Variants in GALNTL6 observed in about 807,000 individuals in gnomAD.
The protein encoded by GALNTL6 is polypeptide N-acetylgalactosaminyltransferase-like 6.
In GALNTL6, 46 loss-of-function variants were observed where a neutral mutation model predicts 73.7. That is an observed-to-expected ratio of 0.62 (90% CI 0.49 to 0.80). GALNTL6 has a LOEUF of 0.80. Ranked by LOEUF, GALNTL6 falls within the 30% of genes least tolerant of loss-of-function variation. GALNTL6 has a pLI of 0.00. For synonymous variants in GALNTL6, 259 were observed against 263.7 expected (o/e 0.98, Z 0.17); for missense variants, 604 against 755.0 (o/e 0.80, Z 2.34).
At chr4:171,842,686 GAACT>G (rs769742105) in intron 2 of GALNTL6, among the ~76,000 whole-genome samples, 20 of 152,110 alleles carry the variant, frequency 1.3e-4, no homozygotes, top group Non-Finnish European at 1.9e-4. Context: ...GATCCCCAGT[GAACT>G]AACTGAGTGA....
chr4:172,893,001 C>A (rs1407719905), intron 8 of GALNTL6, among the ~76,000 whole-genome samples: 1 of 152,122 alleles, frequency 6.6e-6, no homozygotes, highest in African/African-American at 2.4e-5. Flanking sequence ...CAGAGGATGC[C>A]CAGGCAGGAC....
intron 7 of GALNTL6, among the ~76,000 whole-genome samples, chr4:172,851,831 AC>A (rs1297494380): frequency 6.6e-6 from 1 of 152,194 alleles, no homozygotes; most frequent in African/African-American, 2.4e-5. Context: ...GGTCACAGCA[AC>A]ATGAGTTCTA....
chr4:172,515,911 A>C (rs1734591086), intron 5 of GALNTL6, among the ~76,000 whole-genome samples: 1 of 151,966 alleles, frequency 6.6e-6, no homozygotes, highest in African/African-American at 2.4e-5. Flanking sequence ...CTCTGCTCGA[A>C]CCCTTCACCA....
intron 5 of GALNTL6, among the ~76,000 whole-genome samples, chr4:172,578,044 G>T (rs191940299): frequency 2.8e-4 from 42 of 152,280 alleles, no homozygotes; most frequent in Admixed American, 2.4e-3. Flanking sequence ...ACCCTCACAT[G>T]TAATATCCCT....
In GALNTL6 at chr4:172,980,767, T is replaced by C. The variant is rs1473680293; in HGVS notation, c.1372-28411T>C. 4.6e-5 allele frequency among the ~76,000 whole-genome samples: 7 copies of C among 152,190 alleles called. No homozygotes were observed. The East Asian group carries it at 7.7e-4, about 17-fold the overall frequency. ...AGCCGTATCTTCAAATACACTTACA[T>C]TGACGGTTAGGGCTTCAACATATAA... On this transcript the variant is annotated intron_variant, in intron 10 of 12. Coordinates refer to ENST00000506823, the MANE Select transcript of GALNTL6 (RefSeq NM_001034845.3).
chr4:172,440,735 T>A (rs1376682522), intron 5 of GALNTL6, among the ~76,000 whole-genome samples: 1 of 152,110 alleles, frequency 6.6e-6, no homozygotes, highest in Non-Finnish European at 1.5e-5. Context: ...ATATGAGAAA[T>A]CTCTGTACCT....
chr4:172,335,594 G>T (rs1379191617), intron 4 of GALNTL6, among the ~76,000 whole-genome samples: 1 of 152,080 alleles, frequency 6.6e-6, no homozygotes, highest in Non-Finnish European at 1.5e-5. Flanking sequence ...TTGGTTGACA[G>T]GTTTTTTATT....
At chr4:171,988,174 C>T (rs1364704644) in intron 2 of GALNTL6, among the ~76,000 whole-genome samples, 1 of 152,152 alleles carries the variant, frequency 6.6e-6, no homozygotes, top group Non-Finnish European at 1.5e-5. Context: ...GACAGAAAGG[C>T]TACAGGGTGC....
intron 5 of GALNTL6, among the ~76,000 whole-genome samples, chr4:172,384,377 T>C (rs2111289336): frequency 6.6e-6 from 1 of 152,246 alleles, no homozygotes; most frequent in South Asian, 2.1e-4. Flanking sequence ...CTAGGTTATC[T>C]AATTTGTGGG....
intron 5 of GALNTL6, among the ~76,000 whole-genome samples, chr4:172,375,440 C>A (rs2111267684): frequency 6.6e-6 from 1 of 152,264 alleles, no homozygotes; most frequent in East Asian, 1.9e-4. Context: ...AAGGGTGAGC[C>A]TCTTGATGCC....
At chr4:172,872,463 G>C (rs550165346) in intron 7 of GALNTL6, among the ~76,000 whole-genome samples, 1 of 152,160 alleles carries the variant, frequency 6.6e-6, no homozygotes, top group Non-Finnish European at 1.5e-5. Flanking sequence ...TTCTAAATCA[G>C]CATGCTTGAG....
chr4:173,006,366 T>A (rs1752291021), intron 10 of GALNTL6, among the ~76,000 whole-genome samples: 1 of 152,078 alleles, frequency 6.6e-6, no homozygotes, highest in Non-Finnish European at 1.5e-5. Context: ...TCAGGTAGCT[T>A]TCAGGTTATA....
chr4:172,029,246 T>C (rs1005564339), intron 2 of GALNTL6, among the ~76,000 whole-genome samples: 1 of 152,092 alleles, frequency 6.6e-6, no homozygotes, highest in Non-Finnish European at 1.5e-5. Context: ...TGAAACTAAG[T>C]GTAAAATACC....
intron 5 of GALNTL6, among the ~76,000 whole-genome samples, chr4:172,527,848 A>G (rs1055926253): frequency 5.3e-5 from 8 of 152,142 alleles, no homozygotes; most frequent in African/African-American, 1.7e-4. Context: ...TCCACACATT[A>G]TATGTGTGAA....
At chr4:172,316,892 C>T (rs977550825) in intron 4 of GALNTL6, among the ~76,000 whole-genome samples, 1 of 152,122 alleles carries the variant, frequency 6.6e-6, no homozygotes. Flanking sequence ...AATAAGATGA[C>T]TGATCTCCGC....
At chr4:172,875,514 T>C (rs747848846) in intron 7 of GALNTL6, among the ~76,000 whole-genome samples, 4 of 152,158 alleles carry the variant, frequency 2.6e-5, no homozygotes, top group Non-Finnish European at 4.4e-5. Context: ...TCCCCAGACA[T>C]CTTTGAGGAG....
At chr4:172,517,297 G>A (rs1225182073) in intron 5 of GALNTL6, among the ~76,000 whole-genome samples, 1 of 151,742 alleles carries the variant, frequency 6.6e-6, no homozygotes, top group African/African-American at 2.4e-5. Context: ...AGAAATAGAG[G>A]GAGTTTGAGC....
chr4:172,943,977 C>T (rs2653844), intron 9 of GALNTL6, among the ~76,000 whole-genome samples: 21,905 of 152,060 alleles, frequency 0.14, 1,933 homozygotes, highest in African/African-American at 0.24. Context: ...TCTTGCACCA[C>T]ATACAAAAAT....
chr4:171,955,210 A>G (rs1739005533), intron 2 of GALNTL6, among the ~76,000 whole-genome samples: 4 of 152,176 alleles, frequency 2.6e-5, no homozygotes. Context: ...AAACAAAAAC[A>G]AAAATAAAGC....
Sources: gnomAD v4.1 joint callset for allele counts (sites outside exome capture counted in the v4.1 genomes callset) on GRCh38, gnomAD v4.1.1 for gene constraint, MANE v1.5 for transcripts, NCBI Gene and HGNC (gene_info 2026-07-23, HGNC 2026-07-21) for gene names.